ADGRL2: variants seen among roughly 807,000 people sequenced by gnomAD.
ADGRL2 encodes the protein calcium-independent alpha-latrotoxin receptor 2.
A neutral mutation model predicts 157.4 loss-of-function variants in ADGRL2; 44 were observed. The ratio of observed to expected loss-of-function variants is 0.28; its 90% CI spans 0.22 to 0.36. The LOEUF is 0.36. Ranked by LOEUF, ADGRL2 falls within the 10% of genes least tolerant of loss-of-function variation. ADGRL2 has a pLI of 1.00. For missense variants in ADGRL2, 1,510 were observed against 1,768.9 expected, an observed-to-expected ratio of 0.85 and a Z score of 2.63; for synonymous variants, 585 against 624.7, an observed-to-expected ratio of 0.94 and a Z score of 0.95.
At chr1:81,408,235 ATTTG>A (rs1030232869) in intron 1 of ADGRL2, among the ~76,000 whole-genome samples, 9 of 152,328 alleles carry the variant, frequency 5.9e-5, no homozygotes, top group African/African-American at 2.2e-4. Flanking sequence ...TCTAATAGAT[ATTTG>A]TTGTAATTTT....
At chr1:81,577,956 T>C (rs2148524224) in intron 2 of ADGRL2, among the ~76,000 whole-genome samples, 1 of 152,306 alleles carries the variant, frequency 6.6e-6, no homozygotes, top group East Asian at 1.9e-4. Context: ...AGTAGATTAA[T>C]TGCTTATCAA....
rs759846187 is a variant in ADGRL2 at position 81,966,025 on chromosome 1, T to G, written c.2018-33T>G. ...TAGTTAACTCTTAAAGAATCCTTTTTTCCCCACCTCCTTTATCTTTTCCCT... is the reference window on the plus strand; with the variant it reads ...TAGTTAACTCTTAAAGAATCCTTTTGTCCCCACCTCCTTTATCTTTTCCCT... On this transcript the variant is annotated intron_variant, in intron 11 of 23. Transcript: ENST00000686636. 7 of 1,608,136 alleles carry G rather than the reference T, an allele frequency of 4.4e-6. No individual in the cohort carries two copies. The African/African-American group carries it at 9.4e-5, about 22-fold the overall frequency.
At chr1:81,356,971 A>AAAAAAAAAGAAG (rs80327519) in intron 1 of ADGRL2, among the ~76,000 whole-genome samples, 13,473 of 97,180 alleles carry the variant, frequency 0.14, 1,840 homozygotes, top group Non-Finnish European at 0.2. Context: ...AAAAAAAAAA[A>AAAAAAAAAGAAG]AAGAAGTTGT....
At chr1:81,708,785 G>A (rs1223395458) in intron 1 of ADGRL2, among the ~76,000 whole-genome samples, 2 of 151,918 alleles carry the variant, frequency 1.3e-5, no homozygotes, top group African/African-American at 2.4e-5. Context: ...ATATACTTCA[G>A]CTAAACAATT....
intron 2 of ADGRL2, among the ~76,000 whole-genome samples, chr1:81,445,761 G>A (rs1333259359): frequency 6.6e-6 from 1 of 152,150 alleles, no homozygotes; most frequent in Non-Finnish European, 1.5e-5. Context: ...GTGTGATTCT[G>A]TCATTTACCA....
At chr1:81,427,247 A>G in intron 1 of ADGRL2, 1 of 757,622 alleles carries the variant, frequency 1.3e-6, no homozygotes. Flanking sequence ...AGGTGGTGGC[A>G]GCGGAAATAG....
At position 81,906,943 on chromosome 1, in the gene ADGRL2, T is replaced by G. The variant is rs375742550; in HGVS notation, c.74-74T>G. The G allele has an allele frequency of 5.9e-6, 7 of 1,194,814 alleles. No homozygotes were observed. In the African/African-American group the frequency reaches 7.6e-5, roughly 13 times the overall value. The allele number at this position is 1,194,814 out of a possible 1,614,324, so 74.0% of individuals were successfully genotyped here. ...TGACGATAGACATGAATCATATTAC[T>G]TGAAAATGCTTTACTAAAATAATTT... On this transcript the variant is annotated intron_variant, in intron 2 of 23. Transcript: ENST00000686636.
chr1:81,945,217 T>C (rs1649415103), intron 6 of ADGRL2, among the ~76,000 whole-genome samples: 1 of 152,102 alleles, frequency 6.6e-6, no homozygotes, highest in South Asian at 2.1e-4. Context: ...TTCAATTGTT[T>C]TTCCAAAAGC....
At chr1:81,861,600 A>G (rs1480227492) in intron 2 of ADGRL2, among the ~76,000 whole-genome samples, 1 of 152,158 alleles carries the variant, frequency 6.6e-6, no homozygotes, top group African/African-American at 2.4e-5. Context: ...TTATCAATAA[A>G]CACATGGGCC....
At chr1:81,755,725 A>T (rs1280906280) in intron 1 of ADGRL2, among the ~76,000 whole-genome samples, 5 of 152,094 alleles carry the variant, frequency 3.3e-5, no homozygotes, top group Non-Finnish European at 7.4e-5. Flanking sequence ...CTTCTTTAGC[A>T]TACTTTTCAT....
intron 18 of ADGRL2, chr1:81,981,038 A>G (rs1223714001): frequency 4.8e-6 from 2 of 419,300 alleles, no homozygotes; most frequent in Admixed American, 8.1e-5. Flanking sequence ...ACTAATTTAT[A>G]AAATATATAA....
At chr1:81,890,643 A>T (rs1210800411) in intron 2 of ADGRL2, among the ~76,000 whole-genome samples, 2 of 152,148 alleles carry the variant, frequency 1.3e-5, no homozygotes, top group Non-Finnish European at 2.9e-5. Context: ...AATATCTCTT[A>T]TTGAATCAAT....
chr1:81,926,324 C>G (rs1417972735), intron 3 of ADGRL2, among the ~76,000 whole-genome samples: 1 of 151,874 alleles, frequency 6.6e-6, no homozygotes. Flanking sequence ...AAATAACCCA[C>G]GACAAAAGGG....
At chr1:81,586,313 CCTT>C in intron 3 of ADGRL2, 1 of 152,038 alleles carries the variant, frequency 6.6e-6, no homozygotes, top group South Asian at 2.1e-4. Flanking sequence ...TGTGCGCCCT[CCTT>C]CTTCATGCAG....
At chr1:81,820,620 T>A (rs187929353) in intron 1 of ADGRL2, among the ~76,000 whole-genome samples, 1 of 152,156 alleles carries the variant, frequency 6.6e-6, no homozygotes, top group African/African-American at 2.4e-5. Flanking sequence ...TAGAGAATTT[T>A]CTATTATTGT....
intron 2 of ADGRL2, among the ~76,000 whole-genome samples, chr1:81,501,346 T>C (rs1390953081): frequency 6.6e-6 from 1 of 152,244 alleles, no homozygotes; most frequent in East Asian, 1.9e-4. Context: ...TGTACTATTC[T>C]GCAATATTTC....
At chr1:81,795,349 C>T (rs2087535526) in intron 2 of ADGRL2, among the ~76,000 whole-genome samples, 1 of 152,018 alleles carries the variant, frequency 6.6e-6, no homozygotes, top group Admixed American at 6.5e-5. Flanking sequence ...TACTACACTC[C>T]AGCCCAAGCT....
At chr1:81,333,121 C>A (rs942891934) in intron 1 of ADGRL2, among the ~76,000 whole-genome samples, 2 of 152,118 alleles carry the variant, frequency 1.3e-5, no homozygotes, top group Non-Finnish European at 2.9e-5. Context: ...TGGAATAAAT[C>A]ATTTAAAAGG....
chr1:81,403,009 A>T (rs574760034), intron 1 of ADGRL2, among the ~76,000 whole-genome samples: 2 of 152,366 alleles, frequency 1.3e-5, no homozygotes, highest in South Asian at 4.1e-4. Context: ...CTCACTTTGC[A>T]AACAACCTTT....
Sources: gnomAD v4.1 joint callset for allele counts (sites outside exome capture counted in the v4.1 genomes callset) on GRCh38, gnomAD v4.1.1 for gene constraint, MANE v1.5 for transcripts, NCBI Gene and HGNC (gene_info 2026-07-23, HGNC 2026-07-21) for gene names.